SOX6: variants seen among roughly 807,000 people sequenced by gnomAD.
The protein encoded by SOX6 is SRY-box transcription factor 6, also known as transcription factor SOX-6.
In SOX6, 11 loss-of-function variants were observed where a neutral mutation model predicts 97.8. The observed-to-expected ratio is 0.11, with a 90% CI of 0.07 to 0.19. The LOEUF (loss-of-function observed/expected upper bound fraction) is 0.19. Among genes scored for constraint, SOX6 ranks in the 10% least tolerant of loss-of-function variants. The pLI, the probability that SOX6 is intolerant of heterozygous loss-of-function variation, is 1.00. For synonymous variants in SOX6, 360 were observed against 371.4 expected (o/e 0.97, Z 0.35); for missense variants, 810 against 1,039.5 (o/e 0.78, Z 3.04).
intron 13 of SOX6, among the ~76,000 whole-genome samples, chr11:16,014,518 C>A (rs1002318989): frequency 1.3e-5 from 2 of 152,058 alleles, no homozygotes; most frequent in Non-Finnish European, 2.9e-5. Flanking sequence ...GTATCAAAAT[C>A]ACTTTATGCC....
At chr11:16,231,586 CT>C (rs1565035415) in intron 4 of SOX6, among the ~76,000 whole-genome samples, 1 of 151,730 alleles carries the variant, frequency 6.6e-6, no homozygotes, top group African/African-American at 2.4e-5. Flanking sequence ...AATCAAAAGT[CT>C]TTTTAAAAAG....
At chr11:16,102,072 TAAAA>T in intron 7 of SOX6, among the ~76,000 whole-genome samples, 2 of 151,688 alleles carry the variant, frequency 1.3e-5, no homozygotes, top group South Asian at 4.2e-4. Flanking sequence ...TCCAAATCGG[TAAAA>T]AGGAAGTCAA....
intron 3 of SOX6, among the ~76,000 whole-genome samples, chr11:16,239,234 G>A (rs1460222517): frequency 1.3e-5 from 2 of 151,988 alleles, no homozygotes. Context: ...ACACTAAAAT[G>A]TGCCAGTTTT....
chr11:16,630,993 G>C (rs569355130), intron 3 of SOX6, among the ~76,000 whole-genome samples: 2 of 151,326 alleles, frequency 1.3e-5, no homozygotes, highest in South Asian at 4.1e-4. Flanking sequence ...TGTGAGATGG[G>C]TGTCTTCAAG....
chr11:16,602,875 G>C (rs1848287143), intron 4 of SOX6, among the ~76,000 whole-genome samples: 1 of 152,126 alleles, frequency 6.6e-6, no homozygotes, highest in South Asian at 2.1e-4. Flanking sequence ...ACAAAAATTA[G>C]CTGGGCGTGG....
intron 9 of SOX6, among the ~76,000 whole-genome samples, chr11:16,077,753 C>T (rs918217070): frequency 1.3e-5 from 2 of 152,072 alleles, no homozygotes; most frequent in Admixed American, 6.6e-5. Context: ...AGGAGCTAAA[C>T]TTTGAGAACA....
At chr11:16,248,523 C>A (rs533805199) in intron 3 of SOX6, among the ~76,000 whole-genome samples, 18 of 152,324 alleles carry the variant, frequency 1.2e-4, no homozygotes, top group African/African-American at 4.1e-4. Context: ...GACTACTGTG[C>A]ACCCTCAGAT....
intron 1 of SOX6, among the ~76,000 whole-genome samples, chr11:16,452,012 A>AAAT (rs1554968282): frequency 7.0e-6 from 1 of 142,104 alleles, no homozygotes; most frequent in African/African-American, 2.6e-5. Context: ...ATAAATAAAT[A>AAAT]AAATAAAATT....
At chr11:16,415,423 A>AC (rs1428474802) in intron 1 of SOX6, among the ~76,000 whole-genome samples, 1 of 152,166 alleles carries the variant, frequency 6.6e-6, no homozygotes, top group African/African-American at 2.4e-5. Context: ...AAGTTGGTTA[A>AC]AAGATACAAA....
chr11:16,099,155 G>A (rs569232718), intron 7 of SOX6, among the ~76,000 whole-genome samples: 1 of 151,738 alleles, frequency 6.6e-6, no homozygotes, highest in South Asian at 2.1e-4. Flanking sequence ...ATATTGTGCT[G>A]GTCTCCTATG....
intron 4 of SOX6, among the ~76,000 whole-genome samples, chr11:16,230,789 T>C (rs994894770): frequency 6.6e-6 from 1 of 151,660 alleles, no homozygotes; most frequent in South Asian, 2.1e-4. Context: ...ATACTTACTT[T>C]TGAAGGATAC....
chr11:16,226,382 C>A (rs762622403), intron 4 of SOX6, among the ~76,000 whole-genome samples: 5 of 151,600 alleles, frequency 3.3e-5, no homozygotes, highest in Non-Finnish European at 5.9e-5. Context: ...CAAACACAAG[C>A]ACAAACAGTT....
intron 4 of SOX6, among the ~76,000 whole-genome samples, chr11:16,583,087 G>T (rs1303644611): frequency 6.6e-6 from 1 of 151,786 alleles, no homozygotes; most frequent in Non-Finnish European, 1.5e-5. Flanking sequence ...ACTTCACAGG[G>T]GTAAGGTATG....
intron 1 of SOX6, among the ~76,000 whole-genome samples, chr11:16,376,765 T>C (rs1332382629): frequency 6.6e-6 from 1 of 152,088 alleles, no homozygotes; most frequent in East Asian, 1.9e-4. Flanking sequence ...CCCAGGCAAC[T>C]GTTAAAAATG....
intron 3 of SOX6, among the ~76,000 whole-genome samples, chr11:16,256,676 T>C (rs1234081722): frequency 6.6e-6 from 1 of 151,878 alleles, no homozygotes; most frequent in Non-Finnish European, 1.5e-5. Flanking sequence ...ACCACTGTTT[T>C]TCAACATCAT....
At chr11:16,435,595 C>T (rs1859360705) in intron 1 of SOX6, among the ~76,000 whole-genome samples, 1 of 152,076 alleles carries the variant, frequency 6.6e-6, no homozygotes, top group African/African-American at 2.4e-5. Flanking sequence ...AAGGCCCTGC[C>T]AACACCTTGA....
chr11:16,705,436 G>A lies in SOX6; in HGVS notation n.429+9394C>T, dbSNP rs138659126. The stretch of plus-strand genomic sequence containing the variant: ...TGCCAGGAATTCAAGATCAGCCTGG[G>A]CAATATAGAGAGACCTCGTCCCTAA... On this transcript the variant is annotated intron_variant and non_coding_transcript_variant, in intron 3 of 5. Transcript: ENST00000524520. 2.0e-5 allele frequency among the ~76,000 whole-genome samples: 3 copies of A among 152,052 alleles called. No individual in the cohort carries two copies. In the East Asian group the frequency reaches 5.8e-4, roughly 29 times the overall value.
intron 6 of SOX6, among the ~76,000 whole-genome samples, chr11:16,161,315 G>GATATATATAT (rs58290065): frequency 1.4e-5 from 2 of 143,886 alleles, no homozygotes; most frequent in African/African-American, 5.1e-5. Flanking sequence ...CAATGAATTT[G>GATATATATAT]ATATATATAT....
At chr11:16,727,571 A>T (rs1848316539) in intron 2 of SOX6, among the ~76,000 whole-genome samples, 1 of 151,722 alleles carries the variant, frequency 6.6e-6, no homozygotes, top group Non-Finnish European at 1.5e-5. Context: ...CTGGGATTAC[A>T]GGCACGCGCC....
Sources: gnomAD v4.1 joint callset for allele counts (sites outside exome capture counted in the v4.1 genomes callset) on GRCh38, gnomAD v4.1.1 for gene constraint, MANE v1.5 for transcripts, NCBI Gene and HGNC (gene_info 2026-07-23, HGNC 2026-07-21) for gene names.